BMP2K: variants seen among roughly 807,000 people sequenced by gnomAD.
The protein encoded by BMP2K is BMP2 inducible kinase.
Under a neutral mutation model 116.0 loss-of-function variants are expected in BMP2K, and 74 were observed. That is an observed-to-expected ratio of 0.64 (90% CI 0.53 to 0.77). BMP2K has a LOEUF of 0.77. BMP2K is among the 30% of genes least tolerant of loss of function. The pLI is 0.00. For missense variants in BMP2K, 1,365 were observed against 1,403.6 expected, an observed-to-expected ratio of 0.97 and a Z score of 0.44; for synonymous variants, 486 against 502.5, an observed-to-expected ratio of 0.97 and a Z score of 0.44.
intron 3 of BMP2K, among the ~76,000 whole-genome samples, chr4:78,841,353 T>G (rs990715781): frequency 1.3e-5 from 2 of 152,182 alleles, no homozygotes; most frequent in Non-Finnish European, 2.9e-5. Flanking sequence ...AATCACATAT[T>G]TACTTGCATT....
chr4:78,909,861 G>A (rs971840826), intron 15 of BMP2K, among the ~76,000 whole-genome samples: 5 of 152,132 alleles, frequency 3.3e-5, no homozygotes, highest in African/African-American at 4.8e-5. Context: ...ATAGCAAAGT[G>A]CCCTATATTT....
rs549035388 is a variant in BMP2K, at chr4:78,908,377, C to G, written c.2063-2233C>G. Among the ~76,000 whole-genome samples, 3 of 152,332 alleles carry G rather than the reference C, an allele frequency of 2.0e-5. No individual in the cohort carries two copies. In the South Asian group the frequency reaches 6.2e-4, roughly 32 times the overall value. On this transcript the variant is annotated intron_variant, in intron 15 of 15. Coordinates refer to ENST00000502613, the MANE Select transcript of BMP2K (RefSeq NM_198892.2). ...ACCTCCCTCAAACATTCTTCTCTCT[C>G]CATTTCTGTGACATTGCACTCAGCT...
chr4:78,822,568 T>G (rs1304359721), intron 1 of BMP2K, among the ~76,000 whole-genome samples: 1 of 152,162 alleles, frequency 6.6e-6, no homozygotes. Flanking sequence ...TCAATATCTG[T>G]CACAATTTTG....
chr4:78,903,346 A>G (rs1450942446), intron 15 of BMP2K, among the ~76,000 whole-genome samples: 2 of 152,110 alleles, frequency 1.3e-5, no homozygotes, highest in Admixed American at 1.3e-4. Context: ...GCATAAATGT[A>G]CATAATTATT....
intron 1 of BMP2K, among the ~76,000 whole-genome samples, chr4:78,783,827 AAAT>A (rs1447395949): frequency 6.6e-6 from 1 of 152,038 alleles, no homozygotes; most frequent in Non-Finnish European, 1.5e-5. Flanking sequence ...ATAAATAAAT[AAAT>A]AATAAATAAA....
chr4:78,843,034 C>T (rs1246310551), intron 4 of BMP2K, among the ~76,000 whole-genome samples: 1 of 151,906 alleles, frequency 6.6e-6, no homozygotes, highest in Non-Finnish European at 1.5e-5. Flanking sequence ...ACTTCATCTT[C>T]TGTGGATTCT....
intron 2 of BMP2K, among the ~76,000 whole-genome samples, chr4:78,829,832 C>CTTCTCTTCTCTTCTG (rs1407197976): frequency 2.2e-5 from 3 of 135,850 alleles, no homozygotes; most frequent in Non-Finnish European, 4.6e-5. Flanking sequence ...CTTCTCTTCT[C>CTTCTCTTCTCTTCTG]TTCTCTTCTC....
At chr4:78,798,935 T>C (rs1005185561) in intron 1 of BMP2K, among the ~76,000 whole-genome samples, 3 of 152,236 alleles carry the variant, frequency 2.0e-5, no homozygotes, top group Admixed American at 6.5e-5. Context: ...TTAAATGTCT[T>C]TCTAGACCGT....
At chr4:78,901,261 A>G (rs1019249021) in intron 15 of BMP2K, among the ~76,000 whole-genome samples, 3 of 147,648 alleles carry the variant, frequency 2.0e-5, no homozygotes, top group Admixed American at 6.6e-5. Context: ...AGGTCTTACT[A>G]TGTTGCCTAG....
chr4:78,796,824 G>T (rs1728314827), intron 1 of BMP2K, among the ~76,000 whole-genome samples: 1 of 152,108 alleles, frequency 6.6e-6, no homozygotes. Context: ...TAATATTAGA[G>T]AACTAAATCT....
At chr4:78,809,403 G>T (rs951660625) in intron 1 of BMP2K, among the ~76,000 whole-genome samples, 25 of 151,470 alleles carry the variant, frequency 1.7e-4, no homozygotes, top group Admixed American at 1.1e-3. Context: ...CTTGAGACAG[G>T]GTCTGGCTCT....
intron 15 of BMP2K, among the ~76,000 whole-genome samples, chr4:78,889,713 A>C (rs370379174): frequency 1.7e-4 from 26 of 152,328 alleles, no homozygotes; most frequent in African/African-American, 5.8e-4. Context: ...GGACCCAAGA[A>C]AGGCAAAAAA....
chr4:78,787,304 G>A (rs866132244), intron 1 of BMP2K, among the ~76,000 whole-genome samples: 1 of 152,178 alleles, frequency 6.6e-6, no homozygotes, highest in Non-Finnish European at 1.5e-5. Flanking sequence ...TGTAGTTCTA[G>A]CATTAAATAG....
In BMP2K at chr4:78,851,019, C is replaced by T. The variant is rs1202889854; in HGVS notation, c.846C>T (p.Asp282=). 1.2e-6 allele frequency: 2 copies of T among 1,611,778 alleles called. No homozygotes were observed. The highest frequency in any genetic ancestry group is 8.5e-7 in the Non-Finnish European group (1 of 1,178,676). ...AICDGNFTIP[D]NSRYSRNIHC... is the part of the protein sequence containing the mutation. ...GTGATGGCAACTTCACCATCCCAGA[C>T]AATTCTCGTTACTCCCGTAACATAC... Residue 282 remains aspartate (D), a synonymous_variant, in exon 7 of 16, where the codon GAC becomes GAT. Transcript: ENST00000502613.
intron 1 of BMP2K, among the ~76,000 whole-genome samples, chr4:78,791,547 T>G (rs913018746): frequency 2.0e-5 from 3 of 151,364 alleles, no homozygotes; most frequent in Non-Finnish European, 2.9e-5. Flanking sequence ...TCATCACTAT[T>G]TCCAGAAAAT....
At chr4:78,854,442 T>A (rs1731404716) in intron 7 of BMP2K, among the ~76,000 whole-genome samples, 1 of 151,922 alleles carries the variant, frequency 6.6e-6, no homozygotes. Context: ...CCTGGCTAAT[T>A]TTTGTATTTT....
At chr4:78,821,436 T>A (rs766141657) in intron 1 of BMP2K, among the ~76,000 whole-genome samples, 7 of 152,164 alleles carry the variant, frequency 4.6e-5, no homozygotes, top group Non-Finnish European at 8.8e-5. Context: ...GCTGCCAGTG[T>A]TATTGTAGCT....
chr4:78,788,668 G>A (rs1192180389), intron 1 of BMP2K, among the ~76,000 whole-genome samples: 1 of 150,992 alleles, frequency 6.6e-6, no homozygotes, highest in African/African-American at 2.4e-5. Flanking sequence ...AGTGCAGTGG[G>A]AACTTTAGAA....
chr4:78,801,645 C>T (rs1052828339), intron 1 of BMP2K, among the ~76,000 whole-genome samples: 1 of 152,058 alleles, frequency 6.6e-6, no homozygotes, highest in African/African-American at 2.4e-5. Context: ...TCTCTTTTCT[C>T]CATTTTATTT....
Sources: allele counts gnomAD v4.1 joint callset (sites outside exome capture counted in the v4.1 genomes callset), GRCh38; gene constraint gnomAD v4.1.1; transcripts MANE v1.5; gene names NCBI Gene and HGNC (gene_info 2026-07-23, HGNC 2026-07-21).